The following WRN variants were observed in gnomAD, a reference collection of about 807,000 sequenced individuals.
WRN encodes the protein bifunctional 3'-5' exonuclease/ATP-dependent helicase WRN.
Under a neutral mutation model 180.7 loss-of-function variants are expected in WRN, and 149 were observed. That is an observed-to-expected ratio of 0.82 (90% CI 0.72 to 0.94). WRN has a LOEUF of 0.94. Ranked by LOEUF, WRN falls within the 40% of genes least tolerant of loss-of-function variation. WRN has a pLI of 0.00. For synonymous variants in WRN, 548 were observed against 568.9 expected (o/e 0.96, Z 0.52); for missense variants, 1,661 against 1,700.1 (o/e 0.98, Z 0.40).
chr8:31,125,698 A>G (rs1359594789), intron 23 of WRN, among the ~76,000 whole-genome samples: 1 of 150,132 alleles, frequency 6.7e-6, no homozygotes, highest in African/African-American at 2.4e-5. Context: ...CTGGAAACTC[A>G]GGCAAGAGGT....
At chr8:31,125,067 T>C in intron 23 of WRN, 67 bp downstream of exon 23, 1 of 1,464,198 alleles carries the variant, frequency 6.8e-7, no homozygotes, top group Non-Finnish European at 9.5e-7. Flanking sequence ...CATGTTTAAC[T>C]GAATTTTTGT....
rs747871633 is a variant in WRN at position 31,080,877 on chromosome 8, T to G, written c.850T>G (p.Leu284Val). 6.2e-7 allele frequency: 1 copy of G among 1,605,260 alleles called. No homozygotes were observed. Among genetic ancestry groups the G allele is most frequent in the South Asian group, 1.1e-5 (1 of 88,702 alleles). Residue 284 changes from leucine (L) to valine (V), a missense_variant, in exon 9 of 35, where the codon TTA (leucine) becomes GTA (valine). Physicochemically the swap from Leu to Val is conservative, Grantham distance 32. Coordinates refer to ENST00000298139, the MANE Select transcript of WRN (RefSeq NM_000553.6). ...TAATTTTTTTTTTAGGGTTTCTATC[T>G]TACTAAAGGATATTTCAGAAAATCT... ...KLENPRRVSI[L>V]LKDISENLYS...
chr8:31,054,544 AAAC>A lies in WRN; in HGVS notation c.-76-3816_-76-3814del, dbSNP rs1046839744. 3.9e-5 allele frequency among the ~76,000 whole-genome samples: 6 copies of A among 152,240 alleles called. No individual in the cohort carries two copies. In the East Asian group the frequency reaches 7.7e-4, roughly 20 times the overall value. ...TGGCCAAAACCAAAATTAAGCAACAAAACAACAACAACAAAAATTCCAGACAGC... is the reference window on the plus strand; with the variant it reads ...TGGCCAAAACCAAAATTAAGCAACAAAACAACAACAAAAATTCCAGACAGC... On this transcript the variant is annotated intron_variant, in intron 1 of 34. Transcript: ENST00000298139.
At position 31,147,502 on chromosome 8, in the gene WRN, A is replaced by G. The variant is rs201537283; in HGVS notation, c.3572+26A>G. 10 of 1,142,992 alleles carry G rather than the reference A, an allele frequency of 8.7e-6. No individual in the cohort carries two copies. The South Asian group carries it at 1.1e-4, about 12-fold the overall frequency. 70.8% of individuals were successfully genotyped at this position (1,142,992 alleles called of 1,614,324 possible). A position where few individuals can be genotyped will look rare whatever the true frequency, so the allele number is the denominator to read the frequency against. ...GTAAACTATCTTTTGCATGTGTTCT[A>G]TTTATTTCCTTCTAACAAAATAGAT... On this transcript the variant is annotated intron_variant, in intron 30 of 34. Transcript: ENST00000298139.
In WRN at chr8:31,068,327, G is replaced by C. The variant is rs769959338; in HGVS notation, c.724G>C (p.Glu242Gln). Reference protein sequence around the residue: ...DTVQRFAINKEEEILLSDMNK... With the variant: ...DTVQRFAINKQEEILLSDMNK... ...TGTGCAAAGGTTTGCTATAAATAAAGGTATGTTAAGATCCATAAATAAAAT... is the reference window on the plus strand; with the variant it reads ...TGTGCAAAGGTTTGCTATAAATAAACGTATGTTAAGATCCATAAATAAAAT... Residue 242 changes from glutamate to glutamine, a missense_variant and splice_region_variant, in exon 7 of 35, where the codon GAG becomes CAG. Transcript: ENST00000298139. 1.2e-6 allele frequency: 2 copies of C among 1,600,328 alleles called. No homozygotes were observed. The highest frequency in any genetic ancestry group is 2.2e-5 in the East Asian group (1 of 44,694).
At position 31,064,417 on chromosome 8, in the gene WRN, A is replaced by G. The variant is rs979134587; in HGVS notation, c.338A>G (p.His113Arg). Reference sequence around the variant, plus strand: ...TCTGAGAGCAAATGTTACTTGTTCCACGTTTCTTCCATGTCAGGTTGGTAT... The same window carrying G: ...TCTGAGAGCAAATGTTACTTGTTCCGCGTTTCTTCCATGTCAGGTTGGTAT... ...CVSESKCYLFHVSSMSVFPQG... is the reference protein window; with the variant it reads ...CVSESKCYLFRVSSMSVFPQG... Residue 113 changes from histidine to arginine, a missense_variant, in exon 4 of 35, where the codon CAC becomes CGC. Transcript: ENST00000298139. The G allele has an allele frequency of 6.2e-7, 1 of 1,613,914 alleles. No homozygotes were observed. The highest frequency in any genetic ancestry group is 8.5e-7 in the Non-Finnish European group (1 of 1,179,984).
intron 6 of WRN, 124 bp from the exon 7 acceptor site, chr8:31,068,134 A>T: frequency 1.4e-6 from 1 of 697,786 alleles, no homozygotes; most frequent in Admixed American, 2.4e-5. Flanking sequence ...GTGTCACATA[A>T]TAGGTTGAAT....
intron 8 of WRN, among the ~76,000 whole-genome samples, chr8:31,078,155 G>A (rs1813166566): frequency 6.6e-6 from 1 of 152,142 alleles, no homozygotes; most frequent in African/African-American, 2.4e-5. Context: ...GGTATGACAA[G>A]AATTATCAAT....
chr8:31,152,770 C>G (rs1053850141), intron 31 of WRN, among the ~76,000 whole-genome samples: 2 of 152,164 alleles, frequency 1.3e-5, no homozygotes, highest in Non-Finnish European at 2.9e-5. Flanking sequence ...AAGGTGCAAT[C>G]CCTCATGCCT....
chr8:31,159,944 CAAAA>C (rs35353095), intron 33 of WRN, among the ~76,000 whole-genome samples: 3 of 101,850 alleles, frequency 2.9e-5, no homozygotes, highest in Admixed American at 1.1e-4. Context: ...GACTCTGTCT[CAAAA>C]AAAAAAAAAA....
chr8:31,064,515 A>G, intron 4 of WRN, 81 bp downstream of exon 4: 2 of 1,578,330 alleles, frequency 1.3e-6, no homozygotes, highest in Non-Finnish European at 1.7e-6. Context: ...AAGTTCTTTT[A>G]TTAGCTGGCC....
intron 7 of WRN, among the ~76,000 whole-genome samples, chr8:31,070,593 T>C (rs1466198883): frequency 6.6e-6 from 1 of 151,690 alleles, no homozygotes; most frequent in Non-Finnish European, 1.5e-5. Context: ...TATAGATGAG[T>C]GAAGAAAGCA....
intron 28 of WRN, among the ~76,000 whole-genome samples, chr8:31,146,201 C>T (rs575934518): frequency 1.3e-5 from 2 of 151,372 alleles, no homozygotes; most frequent in East Asian, 3.9e-4. Context: ...TAGAAATTTT[C>T]TACTCATCTC....
intron 11 of WRN, among the ~76,000 whole-genome samples, chr8:31,087,440 T>C (rs985784780): frequency 6.6e-6 from 1 of 152,212 alleles, no homozygotes; most frequent in East Asian, 1.9e-4. Flanking sequence ...CGTTTACTAC[T>C]TGAGAATCGA....
intron 32 of WRN, among the ~76,000 whole-genome samples, chr8:31,156,145 A>G (rs1301930953): frequency 1.3e-5 from 2 of 152,246 alleles, no homozygotes; most frequent in African/African-American, 4.8e-5. Flanking sequence ...ATGTATGTAT[A>G]GTAGAAATGA....
At position 31,036,144 on chromosome 8, in the gene WRN, C is replaced by G. The variant is rs1039553839; in HGVS notation, c.-77+2171C>G. Among the ~76,000 whole-genome samples the G allele has an allele frequency of 3.3e-5, 5 of 152,236 alleles. No individual in the cohort carries two copies. The East Asian group carries it at 9.6e-4, about 29-fold the overall frequency. On this transcript the variant is annotated intron_variant, in intron 1 of 34. Coordinates refer to ENST00000298139, the MANE Select transcript of WRN (RefSeq NM_000553.6). ...GTCTTTCCCTGCCTGGTTTATTTCA[C>G]TTAACAGAATGTCTTCCAGTTCCAT...
At chr8:31,094,744 A>G (rs1262762371) in intron 16 of WRN, among the ~76,000 whole-genome samples, 1 of 152,162 alleles carries the variant, frequency 6.6e-6, no homozygotes, top group Non-Finnish European at 1.5e-5. Flanking sequence ...TATACATTAT[A>G]TGGCCTTTTG....
intron 7 of WRN, among the ~76,000 whole-genome samples, chr8:31,074,876 G>A (rs568584801): frequency 2.6e-4 from 40 of 152,214 alleles, no homozygotes; most frequent in Non-Finnish European, 2.8e-4. Flanking sequence ...CAATGCATTT[G>A]GTTCTGCAAG....
chr8:31,066,917 G>A, intron 5 of WRN, 116 bp from the exon 6 acceptor site: 2 of 1,275,670 alleles, frequency 1.6e-6, no homozygotes, highest in Non-Finnish European at 2.2e-6. Flanking sequence ...CTATCTGTGG[G>A]TTGTATTTTG....
Sources: allele counts gnomAD v4.1 joint callset (sites outside exome capture counted in the v4.1 genomes callset), GRCh38; gene constraint gnomAD v4.1.1; transcripts MANE v1.5; gene names NCBI Gene and HGNC (gene_info 2026-07-23, HGNC 2026-07-21).